The following RPS6KC1 variants were observed in gnomAD, a reference collection of about 807,000 sequenced individuals.
The protein encoded by RPS6KC1 is ribosomal protein S6 kinase C1.
In RPS6KC1, 54 loss-of-function variants were observed where a neutral mutation model predicts 103.8. That is an observed-to-expected ratio of 0.52 (90% CI 0.42 to 0.65). RPS6KC1 has a LOEUF of 0.65. RPS6KC1 is among the 30% of genes least tolerant of loss of function. RPS6KC1 has a pLI of 0.00. For missense variants in RPS6KC1, 1,151 were observed against 1,253.8 expected (o/e 0.92, Z 1.24); for synonymous variants, 439 against 438.7 (o/e 1.00, Z -0.01).
At chr1:213,363,010 T>C in the RPS6KC1 span, among the ~76,000 whole-genome samples, 1 of 152,156 alleles carries the variant, frequency 6.6e-6, no homozygotes, top group Non-Finnish European at 1.5e-5. Context: ...CTCTTTCTCT[T>C]TATCCTGTTG....
the RPS6KC1 span, among the ~76,000 whole-genome samples, chr1:213,502,603 T>C: frequency 6.6e-6 from 1 of 152,242 alleles, no homozygotes; most frequent in South Asian, 2.1e-4. Flanking sequence ...AGGAAAACCA[T>C]GTAGTCATTA....
intron 8 of RPS6KC1, among the ~76,000 whole-genome samples, chr1:213,225,965 T>G (rs970887909): frequency 1.5e-4 from 23 of 151,514 alleles, no homozygotes; most frequent in Admixed American, 1.5e-3. Flanking sequence ...GGCTCATGCC[T>G]GTAATCCCAG....
chr1:213,103,202 AT>A (rs1343820640), intron 3 of RPS6KC1, among the ~76,000 whole-genome samples: 1 of 151,646 alleles, frequency 6.6e-6, no homozygotes, highest in African/African-American at 2.4e-5. Flanking sequence ...AAAAAAAAAG[AT>A]TATCTGTGAT....
the RPS6KC1 span, among the ~76,000 whole-genome samples, chr1:213,588,856 T>G: frequency 2.0e-5 from 3 of 152,152 alleles, no homozygotes; most frequent in Admixed American, 6.5e-5. Flanking sequence ...CCACTAGCGC[T>G]CTCACTGGAA....
chr1:213,212,077 C>T (rs533674473), intron 8 of RPS6KC1, among the ~76,000 whole-genome samples: 6 of 151,994 alleles, frequency 3.9e-5, no homozygotes, highest in African/African-American at 1.2e-4. Flanking sequence ...CTTTCATTGA[C>T]GCATCATAAT....
the RPS6KC1 span, among the ~76,000 whole-genome samples, chr1:213,412,557 G>A: frequency 1.2e-4 from 19 of 152,354 alleles, no homozygotes; most frequent in African/African-American, 4.1e-4. Flanking sequence ...TTCAGAAGCT[G>A]TAGTGGGGGC....
At chr1:213,358,257 C>G in the RPS6KC1 span, among the ~76,000 whole-genome samples, 3 of 152,176 alleles carry the variant, frequency 2.0e-5, no homozygotes, top group Non-Finnish European at 2.9e-5. Context: ...GTGAATCCAT[C>G]TGGTCCTGGA....
chr1:213,311,869 A>AGT, the RPS6KC1 span, among the ~76,000 whole-genome samples: 1 of 150,626 alleles, frequency 6.6e-6, no homozygotes, highest in African/African-American at 2.4e-5. Flanking sequence ...TGCTGAAGGA[A>AGT]GTTAGGCCAA....
the RPS6KC1 span, among the ~76,000 whole-genome samples, chr1:213,385,409 A>G: frequency 2.0e-5 from 3 of 152,192 alleles, no homozygotes; most frequent in African/African-American, 7.2e-5. Context: ...TAAAGCCAGG[A>G]TTTGAACCAA....
At chr1:213,294,998 C>T in the RPS6KC1 span, among the ~76,000 whole-genome samples, 1 of 151,736 alleles carries the variant, frequency 6.6e-6, no homozygotes, top group Non-Finnish European at 1.5e-5. Flanking sequence ...TCAGTGGCTC[C>T]CTGTGATTGG....
chr1:213,213,575 A>AT (rs1460931409), intron 8 of RPS6KC1, among the ~76,000 whole-genome samples: 1 of 152,196 alleles, frequency 6.6e-6, no homozygotes, highest in Non-Finnish European at 1.5e-5. Context: ...CAGTTCGTTG[A>AT]TAACCACTAG....
At chr1:213,530,032 T>TTTATTATTATTATTATTATTA in the RPS6KC1 span, among the ~76,000 whole-genome samples, 1 of 149,082 alleles carries the variant, frequency 6.7e-6, no homozygotes, top group African/African-American at 2.5e-5. Context: ...CTTCACTTCT[T>TTTATTATTATTATTATTATTA]TTATTATTAT....
the RPS6KC1 span, among the ~76,000 whole-genome samples, chr1:213,754,891 A>T: frequency 6.6e-6 from 1 of 152,224 alleles, no homozygotes; most frequent in Non-Finnish European, 1.5e-5. Flanking sequence ...GGCATTTCAG[A>T]AATCCTCCAG....
At chr1:213,060,087 G>T (rs1446124094) in intron 1 of RPS6KC1, among the ~76,000 whole-genome samples, 1 of 152,118 alleles carries the variant, frequency 6.6e-6, no homozygotes, top group Non-Finnish European at 1.5e-5. Flanking sequence ...CAAAGTGCTG[G>T]GATTGCCGGT....
intron 4 of RPS6KC1, among the ~76,000 whole-genome samples, chr1:213,112,336 T>C: frequency 6.6e-6 from 1 of 152,116 alleles, no homozygotes; most frequent in East Asian, 1.9e-4. Context: ...CCACCACTAC[T>C]TGTCTGGTGA....
At chr1:213,201,582 A>G (rs973951388) in intron 8 of RPS6KC1, among the ~76,000 whole-genome samples, 1 of 152,188 alleles carries the variant, frequency 6.6e-6, no homozygotes, top group African/African-American at 2.4e-5. Context: ...GAAACTGTGT[A>G]CTCCAGATGA....
chr1:213,206,667 CTTTCAGTTATTTCAAGATAGT>C (rs1401768765), intron 8 of RPS6KC1, among the ~76,000 whole-genome samples: 2 of 152,184 alleles, frequency 1.3e-5, no homozygotes, highest in African/African-American at 4.8e-5. Flanking sequence ...CAGTGATCAT[CTTTCAGTTATTTCAAGATAGT>C]TAAGTTATAT....
intron 8 of RPS6KC1, among the ~76,000 whole-genome samples, chr1:213,213,809 A>G (rs934529233): frequency 2.0e-5 from 3 of 152,212 alleles, no homozygotes; most frequent in African/African-American, 7.2e-5. Flanking sequence ...ATCTTGGAAG[A>G]TAAACTTAAC....
the RPS6KC1 span, among the ~76,000 whole-genome samples, chr1:213,638,730 C>A: frequency 4.6e-5 from 7 of 152,002 alleles, no homozygotes; most frequent in African/African-American, 1.7e-4. Flanking sequence ...TAATCCTTTA[C>A]CAATACCATG....
Sources: allele counts gnomAD v4.1 joint callset (sites outside exome capture counted in the v4.1 genomes callset), GRCh38; gene constraint gnomAD v4.1.1; transcripts MANE v1.5; gene names NCBI Gene and HGNC (gene_info 2026-07-23, HGNC 2026-07-21).